PGC: variants seen among roughly 807,000 people sequenced by gnomAD.
PGC encodes the protein gastricsin.
A neutral mutation model predicts 45.9 loss-of-function variants in PGC; 31 were observed. The ratio of observed to expected loss-of-function variants is 0.67; its 90% CI spans 0.51 to 0.91. The LOEUF is 0.91. PGC is among the 40% of genes least tolerant of loss of function. PGC has a pLI of 0.00. For synonymous variants in PGC, 192 were observed against 201.8 expected (o/e 0.95, Z 0.41); for missense variants, 477 against 493.2 (o/e 0.97, Z 0.31).
chr6:41,746,908 G>A (rs555148117), intron 1 of PGC, among the ~76,000 whole-genome samples: 1 of 152,350 alleles, frequency 6.6e-6, no homozygotes, highest in Admixed American at 6.5e-5. Context: ...AACTTTTAGA[G>A]AGGATAGTGG....
intron 3 of PGC, 101 bp from the exon 4 acceptor site, chr6:41,743,490 G>A (rs951345530): frequency 9.0e-5 from 70 of 777,004 alleles, no homozygotes; most frequent in Non-Finnish European, 1.2e-4. Context: ...CTCAGGCTGC[G>A]CTCACATCCT....
intron 8 of PGC, among the ~76,000 whole-genome samples, chr6:41,737,253 C>T (rs1003711485): frequency 3.9e-5 from 6 of 152,220 alleles, no homozygotes; most frequent in Admixed American, 2.0e-4. Context: ...TCTCTTCCCA[C>T]AGACCTCCCT....
Position 41,743,292 on chromosome 6 carries a change from G to A in PGC, c.426C>T (p.Phe142=). The change falls in exon 4 of 9, where the codon TTC becomes TTT. Residue 142 remains phenylalanine (F), a synonymous_variant. Coordinates refer to ENST00000373025, the MANE Select transcript of PGC (RefSeq NM_002630.4). The part of the protein sequence containing the change: ...LQYGSGSLTG[F]FGYDTLTVQS... ...TCACAGTCAGGGTGTCATAGCCAAAGAAGCCGGTGAGGCTGCCACTGCCAT... is the reference window on the plus strand; with the variant it reads ...TCACAGTCAGGGTGTCATAGCCAAAAAAGCCGGTGAGGCTGCCACTGCCAT... 1.2e-6 allele frequency: 2 copies of A among 1,612,406 alleles called. No homozygotes were observed. Among genetic ancestry groups the A allele is most frequent in the Non-Finnish European group, 1.7e-6 (2 of 1,178,390 alleles).
intron 7 of PGC, among the ~76,000 whole-genome samples, chr6:41,738,742 A>T (rs1771763283): frequency 6.6e-6 from 1 of 152,176 alleles, no homozygotes; most frequent in Non-Finnish European, 1.5e-5. Flanking sequence ...AGATTACTTG[A>T]GGTCAGGAGT....
chr6:41,744,465 A>G lies in PGC; in HGVS notation c.260T>C (p.Leu87Pro). Residue 87 changes from leucine to proline, a missense_variant, in exon 3 of 9, where the codon CTG becomes CCG. Physicochemically the swap from Leu to Pro is moderately conservative, Grantham distance 98. Transcript: ENST00000373025. This position sits in a 1 kb window ranked among gnomAD's most constrained non-coding sequence, Gnocchi z 4.4. Reference sequence around the variant, plus strand: ...GGAGGAGCCGGTGTCAAAAAGGACCAGGAAGTTCTGGGGTGGAGTCCCGAT... The same window carrying G: ...GGAGGAGCCGGTGTCAAAAAGGACCGGGAAGTTCTGGGGTGGAGTCCCGAT... ...ISIGTPPQNF[L>P]VLFDTGSSNL... The G allele has an allele frequency of 6.2e-7, 1 of 1,613,938 alleles. No homozygotes were observed. The highest frequency in any genetic ancestry group is 8.5e-7 in the Non-Finnish European group (1 of 1,179,986).
intron 1 of PGC, among the ~76,000 whole-genome samples, chr6:41,746,871 C>G (rs1216068688): frequency 6.6e-6 from 1 of 152,184 alleles, no homozygotes; most frequent in Non-Finnish European, 1.5e-5. Context: ...ATTTTGGCAT[C>G]TGCCAGTAAA....
In PGC at chr6:41,744,590, A is replaced by G. The variant is rs1327937615; in HGVS notation, c.210+68T>C. On this transcript the variant is annotated intron_variant, in intron 2 of 8. Transcript: ENST00000373025. The surrounding 1 kb of genome is among the most constrained non-coding windows in gnomAD (Gnocchi z 4.4). ...GGCTCCTCCATGGGCAGAGGAGTGA[A>G]GGGACCTGCCCCTTCCCTCCAGCCC... The G allele has an allele frequency of 2.5e-6, 4 of 1,593,234 alleles. No homozygotes were observed. The highest frequency in any genetic ancestry group is 2.2e-5 in the East Asian group (1 of 44,698).
At chr6:41,745,574 A>C (rs900682656) in intron 1 of PGC, among the ~76,000 whole-genome samples, 1 of 140,060 alleles carries the variant, frequency 7.1e-6, no homozygotes, top group African/African-American at 2.7e-5. Context: ...TTTGAGACAG[A>C]GTTTCGCTCT....
In PGC at chr6:41,741,138, G is replaced by T. The variant is rs1771815986; in HGVS notation, c.648-528C>A. The T allele has an allele frequency of 5.9e-6, 9 of 1,537,140 alleles. No individual in the cohort carries two copies. In the East Asian group the frequency reaches 2.2e-4, roughly 38 times the overall value. ...TACTTTTCTGCTGAGATTGGAGACA[G>T]GTAGGGTCTTGGTGAAGGGGGTAAG... On this transcript the variant is annotated intron_variant, in intron 5 of 8. Coordinates refer to ENST00000373025, the MANE Select transcript of PGC (RefSeq NM_002630.4).
chr6:41,745,430 G>T (rs1771913110), intron 1 of PGC, among the ~76,000 whole-genome samples: 1 of 152,012 alleles, frequency 6.6e-6, no homozygotes, highest in African/African-American at 2.4e-5. Context: ...AGCAGAGACA[G>T]GGTTTCACTA....
At chr6:41,741,409 G>A (rs570751907) in intron 5 of PGC, among the ~76,000 whole-genome samples, 1 of 152,312 alleles carries the variant, frequency 6.6e-6, no homozygotes, top group African/African-American at 2.4e-5. Flanking sequence ...ACTTTGGAAG[G>A]CCGAGGCGGG....
intron 8 of PGC, 54 bp from the exon 9 acceptor site, chr6:41,737,058 C>A: frequency 6.5e-7 from 1 of 1,532,790 alleles, no homozygotes; most frequent in South Asian, 1.2e-5. Context: ...TGAGCTGGGC[C>A]CTGCTCAGCT....
intron 7 of PGC, among the ~76,000 whole-genome samples, chr6:41,739,244 G>A (rs1002474268): frequency 1.3e-5 from 2 of 152,168 alleles, no homozygotes; most frequent in Non-Finnish European, 1.5e-5. Flanking sequence ...TCTGCTGAGT[G>A]ACTGCAGCTC....
At position 41,744,531 on chromosome 6, in the gene PGC, A is replaced by T. The variant is rs377547799; in HGVS notation, c.211-17T>A. 16 of 1,603,820 alleles carry T rather than the reference A, an allele frequency of 1.0e-5. No homozygotes were observed. The highest frequency in any genetic ancestry group is 1.3e-5 in the Non-Finnish European group (15 of 1,171,566). On this transcript the variant is annotated splice_polypyrimidine_tract_variant and intron_variant, in intron 2 of 8. Coordinates refer to ENST00000373025, the MANE Select transcript of PGC (RefSeq NM_002630.4). The surrounding 1 kb of genome is among the most constrained non-coding windows in gnomAD (Gnocchi z 4.4). ...GTAGGCAGCCTGGGGGCCATGGAGCAAGCTGTTAGTTCCAGAGGGATCCAG... is the reference window on the plus strand; with the variant it reads ...GTAGGCAGCCTGGGGGCCATGGAGCTAGCTGTTAGTTCCAGAGGGATCCAG...
Position 41,736,936 on chromosome 6 carries a change from C to A in PGC, c.1083G>T (p.Trp361Cys), listed in dbSNP as rs1771693646. The stretch of plus-strand genomic sequence containing the variant: ...ACCTGAGGAAGACATCCCCGAGGAT[C>A]CACAGGGGCTGGCCGTTCTGGGAGG... ...YLSSQNGQPL[W>C]ILGDVFLRSY... The change falls in exon 9 of 9, where the codon TGG becomes TGT. Residue 361 changes from tryptophan (W) to cysteine (C), a missense_variant. By Grantham distance (215) the Trp-to-Cys change is radical. Transcript: ENST00000373025. 1 of 1,613,978 alleles carries A rather than the reference C, an allele frequency of 6.2e-7. No individual in the cohort carries two copies. The highest frequency in any genetic ancestry group is 1.7e-5 in the Admixed American group (1 of 60,006).
chr6:41,738,238 G>T (rs9471638), intron 7 of PGC, among the ~76,000 whole-genome samples: 1 of 13,626 alleles, frequency 7.3e-5, no homozygotes, highest in Non-Finnish European at 1.6e-4. Context: ...ATATATATAT[G>T]TATATATATA....
intron 5 of PGC, chr6:41,741,796 C>T (rs1771829972): frequency 1.3e-6 from 2 of 1,536,028 alleles, no homozygotes; most frequent in East Asian, 4.9e-5. Flanking sequence ...GGATAACAAC[C>T]TGCTAGGGGT....
At chr6:41,737,637 T>C in intron 8 of PGC, 93 bp downstream of exon 8, 2 of 735,496 alleles carry the variant, frequency 2.7e-6, no homozygotes, top group Non-Finnish European at 4.9e-6. Flanking sequence ...AGTCGGAAAA[T>C]GGCACAAGGC....
At chr6:41,745,566 T>TTTGG (rs1771916783) in intron 1 of PGC, among the ~76,000 whole-genome samples, 1 of 148,678 alleles carries the variant, frequency 6.7e-6, no homozygotes, top group Admixed American at 6.7e-5. Context: ...TTTTTTTTTT[T>TTTGG]GAGACAGAGT....
Sources: gnomAD v4.1 joint callset for allele counts (sites outside exome capture counted in the v4.1 genomes callset) on GRCh38, gnomAD v4.1.1 for gene constraint, Gnocchi (gnomAD v3.1) non-coding constraint, MANE v1.5 for transcripts, NCBI Gene and HGNC (gene_info 2026-07-23, HGNC 2026-07-21) for gene names.